LRRC8D: variants seen among roughly 807,000 people sequenced by gnomAD.
The protein encoded by LRRC8D is volume-regulated anion channel subunit LRRC8D.
Under a neutral mutation model 55.8 loss-of-function variants are expected in LRRC8D, and 20 were observed. The ratio of observed to expected loss-of-function variants is 0.36; its 90% CI spans 0.25 to 0.52. The LOEUF (loss-of-function observed/expected upper bound fraction) is 0.52, where lower values mean the gene tolerates loss of function less well. Among genes scored for constraint, LRRC8D ranks in the 20% least tolerant of loss-of-function variants. The pLI, the probability that LRRC8D is intolerant of heterozygous loss-of-function variation, is 0.93. For missense variants in LRRC8D, 651 were observed against 1,030.8 expected (o/e 0.63, Z 5.05); for synonymous variants, 352 against 377.0 (o/e 0.93, Z 0.77).
intron 2 of LRRC8D, among the ~76,000 whole-genome samples, chr1:89,869,542 A>G (rs1356566353): frequency 2.0e-5 from 3 of 152,218 alleles, no homozygotes; most frequent in Non-Finnish European, 4.4e-5. Flanking sequence ...ACTTCAGGAT[A>G]TTATCCAGGA....
At chr1:89,835,791 C>T (rs555438475) in intron 1 of LRRC8D, among the ~76,000 whole-genome samples, 2 of 152,312 alleles carry the variant, frequency 1.3e-5, no homozygotes, top group East Asian at 3.9e-4. Context: ...AGTTAACACT[C>T]ACGTGTTAGC....
intron 1 of LRRC8D, among the ~76,000 whole-genome samples, chr1:89,837,218 A>G (rs942782191): frequency 1.6e-4 from 25 of 152,178 alleles, no homozygotes; most frequent in African/African-American, 6.0e-4. Flanking sequence ...TGGCCTTTTC[A>G]TTCTGCAAAT....
chr1:89,859,179 C>T (rs912460612), intron 2 of LRRC8D, among the ~76,000 whole-genome samples: 9 of 151,354 alleles, frequency 5.9e-5, no homozygotes, highest in African/African-American at 1.7e-4. Flanking sequence ...TTTAAATTCG[C>T]ATTACAAGTC....
chr1:89,872,311 G>A (rs868356937), intron 2 of LRRC8D, among the ~76,000 whole-genome samples: 5 of 152,344 alleles, frequency 3.3e-5, no homozygotes, highest in East Asian at 1.9e-4. Flanking sequence ...CAGAAATGTC[G>A]CATATCCCTT....
intron 2 of LRRC8D, among the ~76,000 whole-genome samples, chr1:89,882,510 T>C (rs1231292256): frequency 6.6e-6 from 1 of 152,230 alleles, no homozygotes; most frequent in Non-Finnish European, 1.5e-5. Flanking sequence ...CTGTGGGAGA[T>C]AATGAATGCA....
chr1:89,904,232 G>A (rs1321795167), intron 2 of LRRC8D, among the ~76,000 whole-genome samples: 1 of 152,110 alleles, frequency 6.6e-6, no homozygotes, highest in Non-Finnish European at 1.5e-5. Context: ...TGGCTCCTTC[G>A]GGAATCCCCA....
At chr1:89,879,278 G>A (rs984640256) in intron 2 of LRRC8D, among the ~76,000 whole-genome samples, 1 of 152,196 alleles carries the variant, frequency 6.6e-6, no homozygotes, top group Non-Finnish European at 1.5e-5. Context: ...AATTTAGAAG[G>A]TGGTTCCAAT....
In LRRC8D at chr1:89,928,320, C is replaced by G. The variant is rs149547161; in HGVS notation, c.-2-4747C>G. On this transcript the variant is annotated intron_variant, in intron 2 of 2. Coordinates refer to ENST00000337338, the MANE Select transcript of LRRC8D (RefSeq NM_001134479.2). ...TCCTGACCTCAGGTGATCTGCCCAC[C>G]TCGGCCTCCCAAAGTGCTGGGATTA... Among the ~76,000 whole-genome samples, 910 of 152,260 alleles carry G rather than the reference C, an allele frequency of 6.0e-3. 8 individuals carry two copies. The highest frequency in any genetic ancestry group is 0.021 in the African/African-American group (877 of 41,526).
At chr1:89,906,640 A>G (rs1663000856) in intron 2 of LRRC8D, among the ~76,000 whole-genome samples, 1 of 152,134 alleles carries the variant, frequency 6.6e-6, no homozygotes, top group Non-Finnish European at 1.5e-5. Flanking sequence ...CCAGGACCCA[A>G]GGCTGGCATT....
intron 1 of LRRC8D, among the ~76,000 whole-genome samples, chr1:89,822,408 T>C (rs964662215): frequency 5.9e-5 from 9 of 152,242 alleles, no homozygotes; most frequent in Admixed American, 5.9e-4. Flanking sequence ...ATTTGGCTCC[T>C]CGTTGCCTCG....
chr1:89,841,151 GCTAGACC>G (rs1219799575), intron 1 of LRRC8D, among the ~76,000 whole-genome samples: 1 of 152,226 alleles, frequency 6.6e-6, no homozygotes, highest in Non-Finnish European at 1.5e-5. Flanking sequence ...GGTGAACAGA[GCTAGACC>G]CTAAAAGGAT....
chr1:89,863,447 T>C (rs1415364680), intron 2 of LRRC8D, among the ~76,000 whole-genome samples: 4 of 152,182 alleles, frequency 2.6e-5, no homozygotes, highest in African/African-American at 7.2e-5. Context: ...CCTCAGTTTC[T>C]TTTTGCCTCC....
chr1:89,872,749 C>A (rs1323070510), intron 2 of LRRC8D, among the ~76,000 whole-genome samples: 1 of 152,136 alleles, frequency 6.6e-6, no homozygotes, highest in African/African-American at 2.4e-5. Flanking sequence ...TTTGCCCCTC[C>A]CCTCTTAGAT....
chr1:89,892,045 G>C (rs1369400028), intron 2 of LRRC8D, among the ~76,000 whole-genome samples: 1 of 152,164 alleles, frequency 6.6e-6, no homozygotes, highest in Non-Finnish European at 1.5e-5. Flanking sequence ...TTTGTTTTGA[G>C]CCTGTGTAAC....
intron 2 of LRRC8D, among the ~76,000 whole-genome samples, chr1:89,847,584 A>G (rs888019552): frequency 3.9e-5 from 6 of 152,212 alleles, no homozygotes; most frequent in African/African-American, 1.4e-4. Context: ...AATGGCCAAG[A>G]GGGGACTAGG....
chr1:89,851,261 C>T (rs1056238981), intron 2 of LRRC8D, among the ~76,000 whole-genome samples: 9 of 152,006 alleles, frequency 5.9e-5, no homozygotes, highest in Admixed American at 1.3e-4. Flanking sequence ...AGGTGTGATG[C>T]TTACTGACTG....
intron 2 of LRRC8D, among the ~76,000 whole-genome samples, chr1:89,852,122 G>T (rs945033033): frequency 1.3e-5 from 2 of 152,002 alleles, no homozygotes; most frequent in Non-Finnish European, 2.9e-5. Flanking sequence ...TCATAATATA[G>T]AATGTTCTAG....
At chr1:89,898,094 A>G (rs1662760081) in intron 2 of LRRC8D, among the ~76,000 whole-genome samples, 1 of 152,224 alleles carries the variant, frequency 6.6e-6, no homozygotes, top group Admixed American at 6.5e-5. Flanking sequence ...GCTCACAGGC[A>G]GCCGATACTG....
chr1:89,853,003 G>A (rs1661459788), intron 2 of LRRC8D, among the ~76,000 whole-genome samples: 1 of 152,164 alleles, frequency 6.6e-6, no homozygotes, highest in Non-Finnish European at 1.5e-5. Context: ...AATAAGTGTT[G>A]CAATCACTGT....
Sources: gnomAD v4.1 joint callset for allele counts (sites outside exome capture counted in the v4.1 genomes callset) on GRCh38, gnomAD v4.1.1 for gene constraint, MANE v1.5 for transcripts, NCBI Gene and HGNC (gene_info 2026-07-23, HGNC 2026-07-21) for gene names.